MADD: variants seen among roughly 807,000 people sequenced by gnomAD.
MADD encodes the protein MAP kinase-activating death domain protein.
Under a neutral mutation model 176.7 loss-of-function variants are expected in MADD, and 109 were observed. That is an observed-to-expected ratio of 0.62 (90% confidence interval 0.53 to 0.72). The LOEUF (loss-of-function observed/expected upper bound fraction) is 0.72. MADD is among the 30% of genes least tolerant of loss of function. The pLI is 0.00. For synonymous variants in MADD, 771 were observed against 771.3 expected, an observed-to-expected ratio of 1.00 and a Z score of 0.01; for missense variants, 1,914 against 2,045.5, an observed-to-expected ratio of 0.94 and a Z score of 1.24.
In MADD at chr11:47,284,891, A is replaced by G. The variant is rs1480676233; in HGVS notation, c.2158-50A>G. ...GCCCTGCCAAACTGGGATTACAGGA[A>G]GGTACCATTGGGCACCAGGTAACCA... is the stretch of plus-strand genomic sequence containing the variant. On this transcript the variant is annotated intron_variant, in intron 12 of 32. Coordinates refer to ENST00000402192, the Ensembl canonical transcript of MADD. 1.9e-6 allele frequency: 3 copies of G among 1,603,738 alleles called. No individual in the cohort carries two copies. In the East Asian group the frequency reaches 6.7e-5, roughly 36 times the overall value.
chr11:47,274,524 A>G (rs1266301099), intron 2 of MADD, 39 bp from the exon 3 acceptor site: 4 of 1,510,484 alleles, frequency 2.6e-6, no homozygotes, highest in African/African-American at 2.8e-5. Context: ...AGCCCATTCC[A>G]TCCCTTCAGG....
exon 33 of MADD, chr11:47,329,323 A>C (rs2095804353): frequency 1.6e-6 from 1 of 610,524 alleles, no homozygotes; most frequent in Admixed American, 2.7e-5. Context: ...GTGTGTCTTG[A>C]GCGTGTCCAC....
exon 13 of MADD, chr11:47,285,183 C>T: frequency 6.2e-7 from 1 of 1,613,746 alleles, no homozygotes; most frequent in Non-Finnish European, 8.5e-7. Context: ...GCCAACATGT[C>T]AGTGGCAATC....
At chr11:47,281,477 G>A (rs888001346) in intron 7 of MADD, 98 bp from the exon 8 acceptor site, 67 of 928,174 alleles carry the variant, frequency 7.2e-5, no homozygotes, top group Admixed American at 2.5e-4. Flanking sequence ...CAGAGAATAC[G>A]AGGTAGCAGA....
chr11:47,315,396 C>T lies in MADD; in HGVS notation c.4197+69C>T, dbSNP rs2092453479. On this transcript the variant is annotated intron_variant, in intron 27 of 32. Coordinates refer to ENST00000402192, the Ensembl canonical transcript of MADD. ...TCACAGGGAACTCATAGGACCGATGCCAGGATATTTTTCTCATTTATCTCA... is the reference window on the plus strand; with the variant it reads ...TCACAGGGAACTCATAGGACCGATGTCAGGATATTTTTCTCATTTATCTCA... The T allele has an allele frequency of 3.8e-6, 3 of 799,304 alleles. No individual in the cohort carries two copies. The South Asian group carries it at 4.7e-5, about 12-fold the overall frequency. The allele number at this position is 799,304 out of a possible 1,614,324, so 49.5% of individuals were successfully genotyped here.
intron 15 of MADD, among the ~76,000 whole-genome samples, chr11:47,288,189 CA>C (rs1296519584): frequency 6.6e-6 from 1 of 152,144 alleles, no homozygotes; most frequent in East Asian, 1.9e-4. Flanking sequence ...ACTTGTTAGG[CA>C]GAGGCAGGAG....
chr11:47,310,257 C>G (rs1446017872), intron 25 of MADD, among the ~76,000 whole-genome samples: 2 of 151,894 alleles, frequency 1.3e-5, no homozygotes, highest in East Asian at 3.9e-4. Context: ...TCTTGGCTCA[C>G]CACATCCTCT....
intron 19 of MADD, among the ~76,000 whole-genome samples, chr11:47,293,426 C>G (rs577469292): frequency 1.3e-5 from 2 of 151,688 alleles, no homozygotes; most frequent in Non-Finnish European, 2.9e-5. Flanking sequence ...CTCAACCTCC[C>G]GAGTAGCTGA....
intron 19 of MADD, 67 bp downstream of exon 21, chr11:47,292,663 G>T (rs748797402): frequency 7.2e-6 from 11 of 1,531,636 alleles, no homozygotes; most frequent in Non-Finnish European, 9.9e-6. Context: ...GGCCCAGTTG[G>T]GGCAGGCTCC....
intron 7 of MADD, 85 bp from the exon 8 acceptor site, chr11:47,281,490 T>C (rs1261908353): frequency 2.6e-5 from 30 of 1,145,458 alleles, no homozygotes; most frequent in Non-Finnish European, 3.3e-5. Context: ...GTAGCAGACC[T>C]TAGGAAGGCC....
rs528022352 is a variant in MADD, at chr11:47,316,543, C to T, written c.4197+1216C>T. On this transcript the variant is annotated intron_variant, in intron 27 of 32. Transcript: ENST00000402192. ...AGCTGGGATTACAGGCGCCCACCACCGCACCCAGCTAATTTTTTGTATTTT... is the reference window on the plus strand; with the variant it reads ...AGCTGGGATTACAGGCGCCCACCACTGCACCCAGCTAATTTTTTGTATTTT... 4.1e-3 allele frequency among the ~76,000 whole-genome samples: 626 copies of T among 151,774 alleles called. 4 individuals are homozygous for T. Among genetic ancestry groups the T allele is most frequent in the African/African-American group, 0.014 (578 of 41,366 alleles).
intron 4 of MADD, 104 bp downstream of exon 4, chr11:47,276,306 T>G (rs1028444211): frequency 1.2e-5 from 14 of 1,203,924 alleles, no homozygotes; most frequent in Non-Finnish European, 1.5e-5. Context: ...TTTTTCACCT[T>G]TTTGTCTTCA....
intron 15 of MADD, among the ~76,000 whole-genome samples, chr11:47,286,987 A>G (rs1281794374): frequency 6.6e-6 from 1 of 152,204 alleles, no homozygotes; most frequent in Admixed American, 6.5e-5. Context: ...CCAGGGCTTA[A>G]TGAGTGCGCC....
chr11:47,272,987 T>C (rs2046171601), intron 1 of MADD, among the ~76,000 whole-genome samples: 1 of 152,226 alleles, frequency 6.6e-6, no homozygotes, highest in Non-Finnish European at 1.5e-5. Flanking sequence ...AATTGGGGCA[T>C]GGACATTTTC....
rs902270354 is a variant in MADD at position 47,325,757 on chromosome 11, A to C, written c.4543-981A>C. Among the ~76,000 whole-genome samples, 1 of 152,196 alleles carries C rather than the reference A, an allele frequency of 6.6e-6. No individual in the cohort carries two copies. The highest frequency in any genetic ancestry group is 2.4e-5 in the African/African-American group (1 of 41,450). On this transcript the variant is annotated intron_variant, in intron 30 of 32. Transcript: ENST00000402192. The surrounding 1 kb of genome is among the most constrained non-coding windows in gnomAD (Gnocchi z 4.5). ...CATTTTAGCGCCGTGGCCTCTGAAG[A>C]TGAGATCTTGCTGAGCAACGCCCAG...
intron 10 of MADD, 76 bp downstream of exon 10, chr11:47,283,045 G>A (rs79732683): frequency 0.1 from 141,254 of 1,415,308 alleles, 7,645 homozygotes; most frequent in Non-Finnish European, 0.11. Context: ...CACAGAGAAG[G>A]CAAAGTCTCA....
intron 23 of MADD, 121 bp downstream of exon 25, chr11:47,308,820 C>A: frequency 1.0e-6 from 1 of 996,552 alleles, no homozygotes; most frequent in Non-Finnish European, 1.6e-6. Flanking sequence ...CATTAGATAG[C>A]AGTTTTATAC....
intron 19 of MADD, among the ~76,000 whole-genome samples, chr11:47,292,157 TAGAG>T (rs953667486): frequency 3.3e-5 from 5 of 152,200 alleles, no homozygotes; most frequent in Admixed American, 6.5e-5. Context: ...GCTCATTTGG[TAGAG>T]AGAGTGTGTG....
At chr11:47,295,467 TC>T (rs761040566) in intron 20 of MADD, 28 bp from the exon 23 acceptor site, 1 of 1,564,792 alleles carries the variant, frequency 6.4e-7, no homozygotes, top group Non-Finnish European at 8.8e-7. Context: ...ATTGGACACC[TC>T]CCCTAATGTT....
Sources: allele counts gnomAD v4.1 joint callset (sites outside exome capture counted in the v4.1 genomes callset), GRCh38; gene constraint gnomAD v4.1.1; non-coding constraint Gnocchi (gnomAD v3.1); transcripts MANE v1.5; gene names NCBI Gene and HGNC (gene_info 2026-07-23, HGNC 2026-07-21).